Variants in NRG4 observed in about 807,000 individuals in gnomAD.
The protein encoded by NRG4 is pro-neuregulin-4, membrane-bound isoform.
NRG4 carries 10 observed loss-of-function variants against 15.0 expected under a neutral mutation model. That is an observed-to-expected ratio of 0.67 (90% CI 0.41 to 1.13). NRG4 has a LOEUF of 1.13. NRG4 is among the 50% of genes most tolerant of loss of function. The probability of loss-of-function intolerance (pLI) is 0.00; values close to 1 mark genes in which losing one functional copy is unlikely to be tolerated. For missense variants in NRG4, 139 were observed against 140.2 expected (o/e 0.99, Z 0.04); for synonymous variants, 41 against 50.1 (o/e 0.82, Z 0.77).
In NRG4 at chr15:75,955,941, C is replaced by T; in HGVS notation, c.322G>A (p.Ala108Thr). ...TTTTGAGTTTACTCACTGTGGTGGG[C>T]ACTGGTACTGCTCGTCTCTACCAGG... ...INLVETSSTS[A>T]HHSHEQH is the part of the protein sequence containing the mutation. Residue 108 changes from alanine (A) to threonine (T), a missense_variant, in exon 5 of 6, where the codon GCC becomes ACC. Coordinates refer to ENST00000394907, the MANE Select transcript of NRG4 (RefSeq NM_138573.4). 3.8e-6 allele frequency: 6 copies of T among 1,595,006 alleles called. No individual in the cohort carries two copies. Among genetic ancestry groups the T allele is most frequent in the Admixed American group, 1.7e-5 (1 of 59,958 alleles).
intron 4 of NRG4, among the ~76,000 whole-genome samples, chr15:76,050,834 C>T (rs1050557069): frequency 6.1e-5 from 9 of 148,082 alleles, no homozygotes; most frequent in Admixed American, 1.3e-4. Flanking sequence ...GATATGGGGT[C>T]TCAGTCTGTC....
At chr15:75,951,514 TCTTTATA>T (rs1411185066) in intron 5 of NRG4, among the ~76,000 whole-genome samples, 1 of 152,170 alleles carries the variant, frequency 6.6e-6, no homozygotes, top group Non-Finnish European at 1.5e-5. Flanking sequence ...TTAACTTGTG[TCTTTATA>T]CTTAATGTAT....
At chr15:75,954,832 A>AT (rs924187649) in intron 5 of NRG4, among the ~76,000 whole-genome samples, 23 of 150,240 alleles carry the variant, frequency 1.5e-4, no homozygotes, top group East Asian at 3.9e-4. Flanking sequence ...GGTACTAGCT[A>AT]TTTTTCAGCA....
chr15:76,005,679 G>GAA (rs776504828), intron 3 of NRG4: 10,898 of 149,744 alleles, frequency 0.073, 95 homozygotes, highest in African/African-American at 0.1. Context: ...CTCTGTCTCA[G>GAA]AAAAAAAAAA....
chr15:75,981,683 G>C (rs2033612596), intron 3 of NRG4, among the ~76,000 whole-genome samples: 1 of 152,136 alleles, frequency 6.6e-6, no homozygotes, highest in African/African-American at 2.4e-5. Context: ...CACTGCCTAG[G>C]TGAGACCAGC....
intron 1 of NRG4, among the ~76,000 whole-genome samples, chr15:76,011,816 C>T (rs548494100): frequency 6.6e-6 from 1 of 152,136 alleles, no homozygotes; most frequent in Admixed American, 6.6e-5. Context: ...TGTAACAAAC[C>T]TGCACGTCCT....
intron 3 of NRG4, among the ~76,000 whole-genome samples, chr15:75,982,709 G>A (rs1202693759): frequency 6.6e-6 from 1 of 152,184 alleles, no homozygotes; most frequent in Non-Finnish European, 1.5e-5. Context: ...GCAGCTATGG[G>A]GGCCTTGCAT....
At chr15:75,946,157 C>T (rs2031490471) in intron 5 of NRG4, among the ~76,000 whole-genome samples, 1 of 152,070 alleles carries the variant, frequency 6.6e-6, no homozygotes, top group African/African-American at 2.4e-5. Flanking sequence ...AGTAGGTCAG[C>T]GGGAGATTTC....
chr15:76,038,933 A>G (rs946004600), intron 4 of NRG4, among the ~76,000 whole-genome samples: 2 of 152,194 alleles, frequency 1.3e-5, no homozygotes, highest in Non-Finnish European at 2.9e-5. Flanking sequence ...TTTGTTTGGG[A>G]GAAAGTAAGG....
chr15:75,956,631 T>C (rs2032256705), intron 4 of NRG4, among the ~76,000 whole-genome samples: 1 of 152,212 alleles, frequency 6.6e-6, no homozygotes, highest in Admixed American at 6.5e-5. Context: ...TGCAAAATGA[T>C]GTGTATTTTC....
intron 4 of NRG4, among the ~76,000 whole-genome samples, chr15:76,039,312 C>A (rs1027001227): frequency 6.6e-6 from 1 of 151,918 alleles, no homozygotes. Flanking sequence ...AATACATGAT[C>A]TTTCAGACAG....
At chr15:75,961,623 T>C (rs755603022) in intron 4 of NRG4, among the ~76,000 whole-genome samples, 16 of 152,182 alleles carry the variant, frequency 1.1e-4, no homozygotes, top group Non-Finnish European at 1.9e-4. Context: ...AAGGTAAATA[T>C]TGACAACAGT....
chr15:76,015,417 G>T (rs2034945583), upstream of NRG4, among the ~76,000 whole-genome samples: 1 of 152,200 alleles, frequency 6.6e-6, no homozygotes, highest in Admixed American at 6.5e-5. Context: ...CTTGTGTTGT[G>T]CTGGTTTTCA....
downstream of NRG4, chr15:75,939,778 C>A (rs201306802): frequency 6.6e-6 from 1 of 152,030 alleles, no homozygotes; most frequent in East Asian, 1.9e-4. Context: ...GAAGCGAGAA[C>A]CAGATGATCA....
intron 5 of NRG4, among the ~76,000 whole-genome samples, chr15:76,019,146 C>T (rs1177498771): frequency 6.6e-6 from 1 of 152,094 alleles, no homozygotes; most frequent in Non-Finnish European, 1.5e-5. Flanking sequence ...GGAAAAACAC[C>T]TACTCAAGCC....
intron 5 of NRG4, among the ~76,000 whole-genome samples, chr15:76,033,192 T>A (rs185301294): frequency 2.0e-5 from 3 of 152,246 alleles, no homozygotes; most frequent in Non-Finnish European, 4.4e-5. Context: ...CAATTTTACA[T>A]GTGAATTGAA....
intron 5 of NRG4, among the ~76,000 whole-genome samples, chr15:76,026,806 T>C (rs2035327593): frequency 6.6e-6 from 1 of 151,958 alleles, no homozygotes; most frequent in South Asian, 2.1e-4. Flanking sequence ...TTAAAAGATA[T>C]AGATTGGCCG....
chr15:76,059,188 CG>C (rs2036233222), intron 1 of NRG4, among the ~76,000 whole-genome samples: 1 of 152,088 alleles, frequency 6.6e-6, no homozygotes, highest in Non-Finnish European at 1.5e-5. Context: ...TAACGAAAAA[CG>C]GAAAAAGAGG....
chr15:75,989,191 C>A (rs2033915535), intron 3 of NRG4, among the ~76,000 whole-genome samples: 2 of 152,142 alleles, frequency 1.3e-5, no homozygotes, highest in Non-Finnish European at 2.9e-5. Flanking sequence ...AGTACTGTTC[C>A]TGCTTCAACT....
Sources: gnomAD v4.1 joint callset for allele counts (sites outside exome capture counted in the v4.1 genomes callset) on GRCh38, gnomAD v4.1.1 for gene constraint, MANE v1.5 for transcripts, NCBI Gene and HGNC (gene_info 2026-07-23, HGNC 2026-07-21) for gene names.